Variants in FAM98B observed in about 807,000 individuals in gnomAD.
FAM98B encodes the protein tRNA splicing ligase complex subunit 3B.
FAM98B carries 32 observed loss-of-function variants against 43.9 expected under a neutral mutation model. That is an observed-to-expected ratio of 0.73 (90% CI 0.55 to 0.98). The LOEUF (loss-of-function observed/expected upper bound fraction) is 0.98. Among genes scored for constraint, FAM98B ranks in the 50% least tolerant of loss-of-function variants. The pLI, the probability that FAM98B is intolerant of heterozygous loss-of-function variation, is 0.00. For missense variants in FAM98B, 514 were observed against 522.9 expected, an observed-to-expected ratio of 0.98 and a Z score of 0.17; for synonymous variants, 190 against 174.0, an observed-to-expected ratio of 1.09 and a Z score of -0.72.
intron 3 of FAM98B, among the ~76,000 whole-genome samples, chr15:38,466,072 A>G (rs567614523): frequency 6.6e-6 from 1 of 152,186 alleles, no homozygotes; most frequent in South Asian, 2.1e-4. Flanking sequence ...AATACCTTCT[A>G]TTATTGAAGA....
intron 1 of FAM98B, among the ~76,000 whole-genome samples, chr15:38,460,476 A>T (rs1302361071): frequency 1.3e-5 from 2 of 152,178 alleles, no homozygotes; most frequent in Non-Finnish European, 2.9e-5. Context: ...GTGGACTAGC[A>T]GCGTCATCAT....
At chr15:38,456,354 G>A (rs542253420) in intron 1 of FAM98B, among the ~76,000 whole-genome samples, 150 of 152,182 alleles carry the variant, frequency 9.9e-4, no homozygotes, top group African/African-American at 3.5e-3. Context: ...ATATACCATA[G>A]ACTGACCGAA....
At chr15:38,478,244 G>C (rs1375505854) in intron 6 of FAM98B, among the ~76,000 whole-genome samples, 2 of 152,084 alleles carry the variant, frequency 1.3e-5, no homozygotes, top group East Asian at 3.9e-4. Flanking sequence ...GAAATATCTT[G>C]ATATTTTATC....
intron 2 of FAM98B, among the ~76,000 whole-genome samples, chr15:38,464,959 C>T (rs79352673): frequency 0.01 from 1,566 of 152,234 alleles, 12 homozygotes; most frequent in Middle Eastern, 0.027. Context: ...ACATATAACA[C>T]GACTGCCTAC....
chr15:38,462,261 A>G (rs991959539), intron 1 of FAM98B, among the ~76,000 whole-genome samples: 2 of 152,206 alleles, frequency 1.3e-5, no homozygotes, highest in Admixed American at 6.5e-5. Flanking sequence ...GACAACCCCA[A>G]ACTAATAAAT....
chr15:38,466,695 T>C (rs1890038964), intron 3 of FAM98B, among the ~76,000 whole-genome samples: 1 of 152,172 alleles, frequency 6.6e-6, no homozygotes, highest in Non-Finnish European at 1.5e-5. Context: ...AGATGGATGG[T>C]GACGTCATAG....
chr15:38,479,681 C>G (rs552955308), intron 6 of FAM98B, among the ~76,000 whole-genome samples: 23 of 152,042 alleles, frequency 1.5e-4, no homozygotes, highest in Admixed American at 5.2e-4. Context: ...ATTAACAATA[C>G]CAGGCATGTT....
intron 1 of FAM98B, among the ~76,000 whole-genome samples, chr15:38,463,670 A>G (rs1484597712): frequency 6.6e-6 from 1 of 152,050 alleles, no homozygotes; most frequent in Non-Finnish European, 1.5e-5. Context: ...ATATAAGGCT[A>G]TTAGACTTTA....
Position 38,474,266 on chromosome 15 carries a change from G to T in FAM98B, c.697G>T (p.Val233Leu), listed in dbSNP as rs549262978. 1 of 1,613,484 alleles carries T rather than the reference G, an allele frequency of 6.2e-7. No individual in the cohort carries two copies. The highest frequency in any genetic ancestry group is 1.7e-5 in the Admixed American group (1 of 60,002). The change falls in exon 6 of 8, where the codon GTA (valine) becomes TTA (leucine). Residue 233 changes from valine (V) to leucine (L), a missense_variant. Val to Leu is a conservative substitution (Grantham distance 32, BLOSUM62 1). This residue lies in a region of FAM98B where 469 missense variants were observed against 451.8 expected (regional missense o/e 1.04). Coordinates refer to ENST00000397609, the MANE Select transcript of FAM98B (RefSeq NM_173611.4). ...RMLMKRLDVT[V>L]QSFGWSDRAK... ...GTTAATGAAACGATTAGATGTGACT[G>T]TACAGTCCTTTGGATGGTCTGATAG...
At position 38,486,902 on chromosome 15, in the gene FAM98B, G is replaced by A. The variant is rs1392906951; in HGVS notation, c.*2243G>A. 6.6e-6 allele frequency: 1 copy of A among 152,106 alleles called. No homozygotes were observed. The allele number at this position is 152,106 out of a possible 1,614,324, so 9.4% of individuals were successfully genotyped here. On this transcript the variant is annotated 3_prime_UTR_variant, in exon 8 of 8. Coordinates refer to ENST00000397609, the MANE Select transcript of FAM98B (RefSeq NM_173611.4). ...TATAAATTGAGTGCAATACGACATG[G>A]AGTATGATGAATGGCACTCCACTGC...
At position 38,485,660 on chromosome 15, in the gene FAM98B, A is replaced by G. The variant is rs947688230; in HGVS notation, c.*1001A>G. The G allele has an allele frequency of 2.0e-5, 3 of 152,216 alleles. No individual in the cohort carries two copies. The highest frequency in any genetic ancestry group is 1.3e-4 in the Admixed American group (2 of 15,288). 9.4% of individuals were successfully genotyped at this position (152,216 alleles called of 1,614,324 possible). ...AGTTGTGAATTTGAATCATGGCACT[A>G]GGTCAGGGGTGCTATGGATTGAAAT... On this transcript the variant is annotated 3_prime_UTR_variant, in exon 8 of 8. Transcript: ENST00000397609.
At chr15:38,481,807 G>A (rs1303924946) in intron 7 of FAM98B, 2 of 493,728 alleles carry the variant, frequency 4.1e-6, no homozygotes, top group African/African-American at 1.9e-5. Flanking sequence ...TATCCTTGGT[G>A]TAAAGGGAAG....
chr15:38,456,303 C>A (rs577392818), intron 1 of FAM98B, among the ~76,000 whole-genome samples: 1 of 152,338 alleles, frequency 6.6e-6, no homozygotes, highest in East Asian at 1.9e-4. Context: ...GGAAGTACAT[C>A]AGAGTCGTGT....
rs756336315 is a variant in FAM98B, at chr15:38,454,136, G to T, written c.-26G>T. On this transcript the variant is annotated 5_prime_UTR_variant, in exon 1 of 8. Transcript: ENST00000397609. ...TAGTTTCCGGCGGGCTACTTAGAGC[G>T]CCGAACAGCTCTGGGCCAAAGGACC... is the stretch of plus-strand genomic sequence containing the variant. 6.3e-6 allele frequency: 10 copies of T among 1,581,136 alleles called. No homozygotes were observed. Among genetic ancestry groups the T allele is most frequent in the Middle Eastern group, 1.7e-4 (1 of 5,890 alleles).
At chr15:38,481,771 TGTTTCAA>T in intron 7 of FAM98B, 1 of 697,276 alleles carries the variant, frequency 1.4e-6, no homozygotes, top group Non-Finnish European at 2.3e-6. Context: ...CTTTCGGAAT[TGTTTCAA>T]GTACTGACAG....
chr15:38,457,313 C>G (rs1395976690), intron 1 of FAM98B, among the ~76,000 whole-genome samples: 48 of 152,086 alleles, frequency 3.2e-4, no homozygotes, highest in Non-Finnish European at 2.9e-5. Flanking sequence ...CACCACGCCC[C>G]AACAGATTAA....
rs1165975832 is a variant in FAM98B, at chr15:38,473,659, CT to C, written c.612+75del. The C allele has an allele frequency of 9.9e-6, 12 of 1,214,070 alleles. No individual in the cohort carries two copies. The East Asian group carries it at 3.0e-4, about 30-fold the overall frequency. 75.2% of individuals were successfully genotyped at this position (1,214,070 alleles called of 1,614,324 possible). ...ATGACTTAATTTTATAAATGAACAT[CT>C]ATTTTGCAATATGTAGCATGCATAT... On this transcript the variant is annotated intron_variant, in intron 5 of 7. Coordinates refer to ENST00000397609, the MANE Select transcript of FAM98B (RefSeq NM_173611.4).
Position 38,473,558 on chromosome 15 carries a change from G to A in FAM98B, c.585G>A (p.Leu195=). 1 of 1,610,974 alleles carries A rather than the reference G, an allele frequency of 6.2e-7. No homozygotes were observed. Residue 195 remains leucine, a synonymous_variant, in exon 5 of 8, where the codon CTG becomes CTA. Transcript: ENST00000397609. ...AAAATCATGTGGGAAAACCACTGCT[G>A]AAAATGGATTTAAATTCAGAACAGG... The part of the protein sequence containing the change: ...VQKNHVGKPL[L]KMDLNSEQAE...
chr15:38,481,943 C>T (rs754642116), intron 7 of FAM98B: 1 of 208,318 alleles, frequency 4.8e-6, no homozygotes, highest in Non-Finnish European at 9.8e-6. Context: ...TTGGAGTATA[C>T]ATCCATTTCT....
Sources: gnomAD v4.1 joint callset for allele counts (sites outside exome capture counted in the v4.1 genomes callset) on GRCh38, gnomAD v4.1.1 for gene constraint, gnomAD v4.1.1 regional missense constraint, MANE v1.5 for transcripts, NCBI Gene and HGNC (gene_info 2026-07-23, HGNC 2026-07-21) for gene names.